Variants in ELAPOR1 observed in about 807,000 individuals in gnomAD.
ELAPOR1 encodes the protein endosome-lysosome associated apoptosis and autophagy regulator 1.
In ELAPOR1, 77 loss-of-function variants were observed where a neutral mutation model predicts 119.7. The observed-to-expected ratio is 0.64, with a 90% CI of 0.54 to 0.78. The LOEUF (loss-of-function observed/expected upper bound fraction) is 0.78. Among genes scored for constraint, ELAPOR1 ranks in the 30% least tolerant of loss-of-function variants. The pLI is 0.00. For missense variants in ELAPOR1, 1,115 were observed against 1,270.4 expected, an observed-to-expected ratio of 0.88 and a Z score of 1.86; for synonymous variants, 481 against 487.2, an observed-to-expected ratio of 0.99 and a Z score of 0.17.
intron 21 of ELAPOR1, 68 bp from the exon 22 acceptor site, chr1:109,202,876 A>G (rs1654265494): frequency 2.0e-6 from 3 of 1,477,592 alleles, no homozygotes; most frequent in Non-Finnish European, 2.8e-6. Context: ...CCTATTTTCC[A>G]TTTCTCTCCT....
chr1:109,192,988 C>G, intron 14 of ELAPOR1, 114 bp downstream of exon 14: 1 of 1,202,342 alleles, frequency 8.3e-7, no homozygotes, highest in Non-Finnish European at 1.2e-6. Flanking sequence ...CTCCCCCTAG[C>G]ATACTCCTAG....
chr1:109,124,678 T>A (rs2100967286), intron 1 of ELAPOR1, among the ~76,000 whole-genome samples: 2 of 152,340 alleles, frequency 1.3e-5, no homozygotes, highest in Middle Eastern at 6.8e-3. Context: ...TTACTTCTCA[T>A]TAACCTTGCA....
chr1:109,206,231 T>C lies in ELAPOR1; in HGVS notation c.*3219T>C, dbSNP rs192191287. On this transcript the variant is annotated 3_prime_UTR_variant, in exon 22 of 22. Coordinates refer to ENST00000369939, the MANE Select transcript of ELAPOR1 (RefSeq NM_020775.5). ...GGTTTCACCATGTTGGCCAGGCTGG[T>C]CTCAAACTCCTGGACTCAAGTGATC... The C allele has an allele frequency of 1.8e-4, 27 of 152,256 alleles. No individual in the cohort carries two copies. Among genetic ancestry groups the C allele is most frequent in the Admixed American group, 1.1e-3 (17 of 15,292 alleles). 9.4% of individuals were successfully genotyped at this position (152,256 alleles called of 1,614,324 possible). A position where few individuals can be genotyped will look rare whatever the true frequency, so the allele number is the denominator to read the frequency against.
intron 1 of ELAPOR1, among the ~76,000 whole-genome samples, chr1:109,130,205 T>C (rs1160596430): frequency 6.6e-6 from 1 of 152,224 alleles, no homozygotes; most frequent in African/African-American, 2.4e-5. Flanking sequence ...CCAAAGAAGA[T>C]TACATTCTGA....
chr1:109,161,035 A>C (rs1651214508), intron 1 of ELAPOR1, among the ~76,000 whole-genome samples: 1 of 152,358 alleles, frequency 6.6e-6, no homozygotes, highest in South Asian at 2.1e-4. Flanking sequence ...GTGAGAGCAC[A>C]TCACCTGCCT....
rs1479284470 is a variant in ELAPOR1, at chr1:109,197,966, T to A, written c.2303-13T>A. 1.2e-6 allele frequency: 2 copies of A among 1,606,734 alleles called. No individual in the cohort carries two copies. The highest frequency in any genetic ancestry group is 2.7e-5 in the African/African-American group (2 of 74,780). ...CTACTAGTGAGAACTAATTAGGAGCTCTAATTTGGCAGGGGTGACAACAGA... is the reference window on the plus strand; with the variant it reads ...CTACTAGTGAGAACTAATTAGGAGCACTAATTTGGCAGGGGTGACAACAGA... On this transcript the variant is annotated splice_polypyrimidine_tract_variant and intron_variant, in intron 16 of 21. Coordinates refer to ENST00000369939, the MANE Select transcript of ELAPOR1 (RefSeq NM_020775.5).
chr1:109,175,864 A>G (rs1483577885), intron 7 of ELAPOR1, among the ~76,000 whole-genome samples: 1 of 151,744 alleles, frequency 6.6e-6, no homozygotes, highest in Non-Finnish European at 1.5e-5. Context: ...TTATAACATA[A>G]ACAGTAGATA....
At chr1:109,146,859 C>T (rs996962630) in intron 1 of ELAPOR1, among the ~76,000 whole-genome samples, 1 of 152,002 alleles carries the variant, frequency 6.6e-6, no homozygotes, top group Admixed American at 6.6e-5. Context: ...CCTGCCTCAG[C>T]CTCTCAGGTA....
chr1:109,171,820 G>C, intron 3 of ELAPOR1, 46 bp from the exon 4 acceptor site: 1 of 1,605,224 alleles, frequency 6.2e-7, no homozygotes, highest in Non-Finnish European at 8.5e-7. Context: ...ACAAAGCCTG[G>C]TGGGCTGTGC....
Position 109,200,857 on chromosome 1 carries a change from G to A in ELAPOR1, c.2930G>A (p.Ser977Asn). The A allele has an allele frequency of 6.2e-7, 1 of 1,614,200 alleles. No individual in the cohort carries two copies. The highest frequency in any genetic ancestry group is 8.5e-7 in the Non-Finnish European group (1 of 1,180,034). The change falls in exon 21 of 22, where the codon AGC becomes AAC. Residue 977 changes from serine (S) to asparagine (N), a missense_variant. Transcript: ENST00000369939. ...GTAGAGGACGACCTCATCTTTACCA[G>A]CAAGAAGTCACTCTTTGGGAAGATC... ...EDVEDDLIFT[S>N]KKSLFGKIKS... is the part of the protein sequence containing the mutation.
At chr1:109,143,334 C>A (rs1196713793) in intron 1 of ELAPOR1, among the ~76,000 whole-genome samples, 1 of 152,020 alleles carries the variant, frequency 6.6e-6, no homozygotes, top group Non-Finnish European at 1.5e-5. Flanking sequence ...AGCATTATGC[C>A]AAGTAAAAGA....
chr1:109,199,240 C>T (rs1212296266), intron 18 of ELAPOR1, among the ~76,000 whole-genome samples: 2 of 152,142 alleles, frequency 1.3e-5, no homozygotes, highest in African/African-American at 4.8e-5. Flanking sequence ...CCACAGGACA[C>T]CCCCTCCCCT....
At chr1:109,158,788 C>A (rs1322102555) in intron 1 of ELAPOR1, among the ~76,000 whole-genome samples, 1 of 151,922 alleles carries the variant, frequency 6.6e-6, no homozygotes, top group East Asian at 1.9e-4. Context: ...AGTAACAGAT[C>A]ACTGAGTAAA....
intron 7 of ELAPOR1, 68 bp downstream of exon 7, chr1:109,173,905 A>G: frequency 6.5e-7 from 1 of 1,542,702 alleles, no homozygotes; most frequent in Non-Finnish European, 8.9e-7. Flanking sequence ...AGGAGATACC[A>G]GGGAATAGAG....
intron 1 of ELAPOR1, among the ~76,000 whole-genome samples, chr1:109,142,955 ATT>A (rs141688332): frequency 4.1e-5 from 6 of 146,298 alleles, no homozygotes; most frequent in Admixed American, 6.9e-5. Flanking sequence ...CATACAATGG[ATT>A]TTTTTTTTTT....
chr1:109,136,052 C>A (rs932331697), intron 1 of ELAPOR1, among the ~76,000 whole-genome samples: 3 of 152,074 alleles, frequency 2.0e-5, no homozygotes, highest in African/African-American at 7.2e-5. Flanking sequence ...CAGCATGGAA[C>A]AAAGAGCTAT....
chr1:109,184,737 C>T (rs896207736), intron 7 of ELAPOR1, among the ~76,000 whole-genome samples: 1 of 152,236 alleles, frequency 6.6e-6, no homozygotes, highest in Admixed American at 6.5e-5. Flanking sequence ...TCCGTCTACC[C>T]TCCTTGCTGG....
At chr1:109,135,279 T>G (rs1367172499) in intron 1 of ELAPOR1, among the ~76,000 whole-genome samples, 1 of 152,144 alleles carries the variant, frequency 6.6e-6, no homozygotes, top group Non-Finnish European at 1.5e-5. Context: ...AGTCTCGCTC[T>G]GTCCCCGAGG....
At chr1:109,144,599 G>A (rs147587877) in intron 1 of ELAPOR1, among the ~76,000 whole-genome samples, 10,863 of 152,086 alleles carry the variant, frequency 0.071, 440 homozygotes, top group Non-Finnish European at 0.09. Context: ...AAAATTAGCC[G>A]GGTGTGGCGG....
Sources: gnomAD v4.1 joint callset for allele counts (sites outside exome capture counted in the v4.1 genomes callset) on GRCh38, gnomAD v4.1.1 for gene constraint, MANE v1.5 for transcripts, NCBI Gene and HGNC (gene_info 2026-07-23, HGNC 2026-07-21) for gene names.